The following ATP8A2 variants were observed in gnomAD, a reference collection of about 807,000 sequenced individuals.
The protein encoded by ATP8A2 is phospholipid-transporting ATPase IB.
In ATP8A2, 100 loss-of-function variants were observed where a neutral mutation model predicts 165.6. That is an observed-to-expected ratio of 0.60 (90% CI 0.51 to 0.71). The LOEUF is 0.71. Ranked by LOEUF, ATP8A2 falls within the 30% of genes least tolerant of loss-of-function variation. The pLI is 0.00. For missense variants in ATP8A2, 1,227 were observed against 1,479.5 expected (o/e 0.83, Z 2.80); for synonymous variants, 543 against 548.8 (o/e 0.99, Z 0.15).
intron 1 of ATP8A2, among the ~76,000 whole-genome samples, chr13:25,401,232 A>G (rs1482206523): frequency 6.6e-6 from 1 of 152,186 alleles, no homozygotes; most frequent in East Asian, 1.9e-4. Flanking sequence ...GATAAAAGTG[A>G]AAGAGGATGC....
chr13:25,545,431 C>T (rs1174976280), intron 10 of ATP8A2, among the ~76,000 whole-genome samples: 7 of 152,054 alleles, frequency 4.6e-5, no homozygotes, highest in Non-Finnish European at 8.8e-5. Flanking sequence ...TGCAAGAACT[C>T]AGGAGGCTGA....
chr13:25,521,495 A>G (rs541721154), intron 2 of ATP8A2, among the ~76,000 whole-genome samples: 27 of 152,066 alleles, frequency 1.8e-4, no homozygotes, highest in Non-Finnish European at 3.7e-4. Flanking sequence ...TATTTTAGTA[A>G]TTCTCAGTTT....
chr13:25,930,899 G>A (rs1229083515), intron 33 of ATP8A2, among the ~76,000 whole-genome samples: 1 of 152,148 alleles, frequency 6.6e-6, no homozygotes, highest in African/African-American at 2.4e-5. Context: ...CAGCCTTGCC[G>A]CCGGTGTTCC....
In ATP8A2 at chr13:25,664,195, A is replaced by C. The variant is rs2042105495; in HGVS notation, c.2212-34978A>C. On this transcript the variant is annotated intron_variant, in intron 24 of 36. Transcript: ENST00000381655. ...CAAACAAACAAAAACTGAAGAAATT[A>C]GAAGATGAATAATGGCTGTGGTAAT... Among the ~76,000 whole-genome samples the C allele has an allele frequency of 2.0e-5, 3 of 152,222 alleles. No homozygotes were observed. The South Asian group carries it at 6.2e-4, about 32-fold the overall frequency.
chr13:25,737,914 G>T (rs1219888050), intron 25 of ATP8A2, among the ~76,000 whole-genome samples: 1 of 152,146 alleles, frequency 6.6e-6, no homozygotes, highest in Non-Finnish European at 1.5e-5. Flanking sequence ...TCGATCTCCT[G>T]ACCTCGTGAT....
intron 35 of ATP8A2, among the ~76,000 whole-genome samples, chr13:26,008,038 A>G (rs1420743783): frequency 6.6e-6 from 1 of 152,214 alleles, no homozygotes; most frequent in Non-Finnish European, 1.5e-5. Flanking sequence ...TGAGAGGTCC[A>G]ATTTCAGGCT....
chr13:25,381,864 A>G (rs2032849893), intron 1 of ATP8A2, among the ~76,000 whole-genome samples: 1 of 152,196 alleles, frequency 6.6e-6, no homozygotes. Context: ...AAGATATTAC[A>G]GGGCAATGTC....
chr13:25,927,073 C>T (rs1417151350), intron 33 of ATP8A2: 3 of 451,854 alleles, frequency 6.6e-6, no homozygotes, highest in Non-Finnish European at 1.3e-5. Flanking sequence ...TGCCTCCTAC[C>T]CAGTCTTCAT....
At chr13:25,769,336 C>A in intron 26 of ATP8A2, 107 bp downstream of exon 26, 1 of 1,097,092 alleles carries the variant, frequency 9.1e-7, no homozygotes, top group South Asian at 1.6e-5. Context: ...TGCCACCCCT[C>A]TTGAGGTTGC....
In ATP8A2 at chr13:25,578,907, G is replaced by A; in HGVS notation, c.1867+8G>A. 1.3e-6 allele frequency: 2 copies of A among 1,589,550 alleles called. No individual in the cohort carries two copies. Among genetic ancestry groups the A allele is most frequent in the Non-Finnish European group, 1.7e-6 (2 of 1,158,000 alleles). On this transcript the variant is annotated splice_region_variant and intron_variant, in intron 21 of 36. Coordinates refer to ENST00000381655, the MANE Select transcript of ATP8A2 (RefSeq NM_016529.6). ...AATACTTTGCCACGGAAGGTAAGTGGAATTTGGAAATGCTGTTTTTGGCCA... is the reference window on the plus strand; with the variant it reads ...AATACTTTGCCACGGAAGGTAAGTGAAATTTGGAAATGCTGTTTTTGGCCA...
intron 24 of ATP8A2, among the ~76,000 whole-genome samples, chr13:25,678,689 A>G (rs182169164): frequency 1.6e-3 from 243 of 152,314 alleles, no homozygotes; most frequent in South Asian, 3.1e-3. Flanking sequence ...CTTTGGCAGC[A>G]GGATAGCTGG....
intron 1 of ATP8A2, among the ~76,000 whole-genome samples, chr13:25,423,846 T>C (rs986470190): frequency 1.3e-5 from 2 of 152,178 alleles, no homozygotes; most frequent in African/African-American, 4.8e-5. Context: ...AGGCTAAATG[T>C]CTCCCTTTAA....
At chr13:25,496,268 T>C (rs1303983158) in intron 2 of ATP8A2, among the ~76,000 whole-genome samples, 1 of 152,140 alleles carries the variant, frequency 6.6e-6, no homozygotes, top group Non-Finnish European at 1.5e-5. Context: ...TCTTGGCACA[T>C]GGAAGCAGCT....
chr13:25,790,847 G>C (rs985240826), intron 27 of ATP8A2, among the ~76,000 whole-genome samples: 6 of 152,090 alleles, frequency 3.9e-5, no homozygotes, highest in African/African-American at 1.4e-4. Context: ...TCTGACACCA[G>C]TCAGAATGGC....
intron 33 of ATP8A2, among the ~76,000 whole-genome samples, chr13:25,916,384 C>T (rs979448470): frequency 1.3e-5 from 2 of 152,170 alleles, no homozygotes; most frequent in African/African-American, 2.4e-5. Context: ...TCTTGCATTC[C>T]CTTGGTGGGG....
rs74041003 is a variant in ATP8A2, at chr13:25,515,099, A to G, written c.222-14900A>G. ...CCCTGACCAGAACAACCCTCTGCCAAGTAAGAGGGAGCTCCTCCTGCCCGA... is the reference window on the plus strand; with the variant it reads ...CCCTGACCAGAACAACCCTCTGCCAGGTAAGAGGGAGCTCCTCCTGCCCGA... On this transcript the variant is annotated intron_variant, in intron 2 of 36. Transcript: ENST00000381655. Among the ~76,000 whole-genome samples, 473 of 152,314 alleles carry G rather than the reference A, an allele frequency of 3.1e-3. 4 individuals carry two copies. The highest frequency in any genetic ancestry group is 0.011 in the African/African-American group (445 of 41,568).
chr13:25,972,658 G>A (rs951099667), intron 35 of ATP8A2, among the ~76,000 whole-genome samples: 7 of 152,126 alleles, frequency 4.6e-5, no homozygotes, highest in African/African-American at 7.2e-5. Context: ...CCTGCATGTC[G>A]TTATTTTGAG....
In ATP8A2 at chr13:25,658,034, C is replaced by A. The variant is rs1169748330; in HGVS notation, c.2212-41139C>A. On this transcript the variant is annotated intron_variant, in intron 24 of 36. Coordinates refer to ENST00000381655, the MANE Select transcript of ATP8A2 (RefSeq NM_016529.6). ...GTTTTACAGATTGGAGTAGTGAACT[C>A]AGGGAAGCATTAAAAACTAGTAGAA... Among the ~76,000 whole-genome samples, 4 of 152,080 alleles carry A rather than the reference C, an allele frequency of 2.6e-5. No individual in the cohort carries two copies. In the East Asian group the frequency reaches 7.7e-4, roughly 29 times the overall value.
At chr13:25,991,932 A>G (rs560105382) in intron 35 of ATP8A2, among the ~76,000 whole-genome samples, 1 of 149,718 alleles carries the variant, frequency 6.7e-6, no homozygotes, top group African/African-American at 2.5e-5. Flanking sequence ...TTTTTCAATA[A>G]CAACCATGTA....
Sources: allele counts gnomAD v4.1 joint callset (sites outside exome capture counted in the v4.1 genomes callset), GRCh38; gene constraint gnomAD v4.1.1; transcripts MANE v1.5; gene names NCBI Gene and HGNC (gene_info 2026-07-23, HGNC 2026-07-21).